The following GNL3L variants were observed in gnomAD, a reference collection of about 807,000 sequenced individuals.
GNL3L encodes guanine nucleotide-binding protein-like 3-like protein.
A neutral mutation model predicts 42.9 loss-of-function variants in GNL3L; 4 were observed. That is an observed-to-expected ratio of 0.09 (90% CI 0.05 to 0.21). GNL3L has a LOEUF of 0.21. Among genes scored for constraint, GNL3L ranks in the 10% least tolerant of loss-of-function variants. GNL3L has a pLI of 1.00. For synonymous variants in GNL3L, 159 were observed against 176.3 expected (o/e 0.90, Z 0.78); for missense variants, 412 against 481.7 (o/e 0.86, Z 1.36).
At chrX:54,549,793 G>A (rs5961087) in intron 9 of GNL3L, among the ~76,000 whole-genome samples, 14,524 of 111,672 alleles carry the variant, frequency 0.13, 1,412 homozygotes, top group African/African-American at 0.34. Flanking sequence ...GTTACAGAGG[G>A]ACACAAATAC....
chrX:54,633,750 C>T, the GNL3L span, among the ~76,000 whole-genome samples: 8 of 112,153 alleles, frequency 7.1e-5, no homozygotes, highest in East Asian at 1.4e-3. Context: ...GTCTCAGTCC[C>T]GCCATGCTCC....
At position 54,582,362 on chromosome X, in the gene GNL3L, A is replaced by G. The variant is rs189230816; in HGVS notation, c.*45+21715A>G. On this transcript the variant is annotated intron_variant, in intron 16 of 16. Transcript: ENST00000674498. ...TGCTTCTTGTACAGCCTGCAGAAGC[A>G]TGAACCAAATAAATCTCTTTTCTTT... 2.6e-3 allele frequency among the ~76,000 whole-genome samples: 286 copies of G among 111,958 alleles called. 2 individuals carry two copies. Among genetic ancestry groups the G allele is most frequent in the African/African-American group, 9.0e-3 (279 of 30,837 alleles).
At chrX:54,532,462 G>A (rs1267882299) in intron 1 of GNL3L, 58 bp from the exon 2 acceptor site, 15 of 644,964 alleles carry the variant, frequency 2.3e-5, no homozygotes, top group Non-Finnish European at 3.6e-5. Flanking sequence ...TTAGGAGGGG[G>A]CTTGTGGCAT....
chrX:54,562,243 A>G lies in GNL3L; in HGVS notation c.*1641A>G, dbSNP rs758663708. Among the ~76,000 whole-genome samples, 192 of 111,911 alleles carry G rather than the reference A, an allele frequency of 1.7e-3. No homozygotes were observed. The highest frequency in any genetic ancestry group is 5.9e-3 in the African/African-American group (181 of 30,814). Reference sequence around the variant, plus strand: ...GTATTTTTAGTAGAGACGATGTTTCACCATGTTGACCAGGCTGGTCTCGAA... The same window carrying G: ...GTATTTTTAGTAGAGACGATGTTTCGCCATGTTGACCAGGCTGGTCTCGAA... On this transcript the variant is annotated 3_prime_UTR_variant, in exon 16 of 16. Coordinates refer to ENST00000360845, the MANE Select transcript of GNL3L (RefSeq NM_001184819.2).
intron 2 of GNL3L, 47 bp from the exon 3 acceptor site, chrX:54,538,993 C>T (rs201392192): frequency 1.6e-4 from 122 of 771,994 alleles, no homozygotes; most frequent in Non-Finnish European, 1.9e-4. Flanking sequence ...CAACAAATAT[C>T]GTGTAGATGG....
chrX:54,568,230 A>G (rs7884031), downstream of GNL3L, among the ~76,000 whole-genome samples: 39,509 of 111,043 alleles, frequency 0.36, 8,476 homozygotes, highest in African/African-American at 0.8. Context: ...GGCTCCCAAA[A>G]TGCTGGGATT....
At chrX:54,636,063 C>T in the GNL3L span, among the ~76,000 whole-genome samples, 2 of 112,263 alleles carry the variant, frequency 1.8e-5, no homozygotes, top group South Asian at 7.4e-4. Context: ...CCCCTGAGAT[C>T]TGCATATTGC....
chrX:54,594,541 CTTTTTTT>C (rs766441455), intron 16 of GNL3L, among the ~76,000 whole-genome samples: 33 of 95,143 alleles, frequency 3.5e-4, no homozygotes, highest in African/African-American at 1.2e-3. Flanking sequence ...ATCATTGGGC[CTTTTTTT>C]TTTTTTAAAA....
chrX:54,623,366 A>G (rs5960322), downstream of GNL3L, among the ~76,000 whole-genome samples: 16,416 of 111,086 alleles, frequency 0.15, 1,967 homozygotes, highest in African/African-American at 0.41. Flanking sequence ...CCAGGTTTAA[A>G]TGATTCTCCT....
chrX:54,582,944 C>T (rs1450490396), intron 16 of GNL3L, among the ~76,000 whole-genome samples: 1 of 111,816 alleles, frequency 8.9e-6, no homozygotes, highest in African/African-American at 3.3e-5. Flanking sequence ...TTATCTGTCA[C>T]CTGTATTATC....
chrX:54,611,240 C>T (rs972638661), intron 16 of GNL3L, among the ~76,000 whole-genome samples: 1 of 111,681 alleles, frequency 9.0e-6, no homozygotes, highest in Non-Finnish European at 1.9e-5. Flanking sequence ...TTTCTCTCTT[C>T]TTTTCTTGGT....
downstream of GNL3L, among the ~76,000 whole-genome samples, chrX:54,622,395 C>T (rs1284422330): frequency 2.9e-5 from 3 of 103,422 alleles, no homozygotes; most frequent in Non-Finnish European, 3.9e-5. Flanking sequence ...AGCGATTCTC[C>T]TGCCTCAGCC....
chrX:54,630,750 C>CTTT, the GNL3L span, among the ~76,000 whole-genome samples: 2 of 65,052 alleles, frequency 3.1e-5, no homozygotes, highest in African/African-American at 1.6e-4. Flanking sequence ...CTCTTTCTTT[C>CTTT]CCTTTCTTTC....
intron 16 of GNL3L, among the ~76,000 whole-genome samples, chrX:54,572,557 G>T (rs1347284252): frequency 9.0e-6 from 1 of 111,639 alleles, no homozygotes; most frequent in African/African-American, 3.3e-5. Flanking sequence ...GGGCAGAGGG[G>T]CTCCTCACTT....
chrX:54,593,132 C>T (rs1925890096), intron 16 of GNL3L, among the ~76,000 whole-genome samples: 1 of 111,562 alleles, frequency 9.0e-6, no homozygotes, highest in African/African-American at 3.3e-5. Context: ...ATAATACTAG[C>T]TTAATAGAAT....
At chrX:54,530,761 G>T (rs1360416698) in intron 1 of GNL3L, among the ~76,000 whole-genome samples, 1 of 112,176 alleles carries the variant, frequency 8.9e-6, no homozygotes, top group African/African-American at 3.2e-5. Flanking sequence ...GACTTCTCCC[G>T]ACTTAAGGCA....
chrX:54,579,958 A>G (rs58636866), intron 16 of GNL3L, among the ~76,000 whole-genome samples: 12,654 of 99,418 alleles, frequency 0.13, 1,346 homozygotes, highest in African/African-American at 0.34. Context: ...GATTACAGGC[A>G]TGAGCCACTG....
intron 16 of GNL3L, among the ~76,000 whole-genome samples, chrX:54,616,301 T>A (rs1267816229): frequency 8.8e-6 from 1 of 113,114 alleles, no homozygotes; most frequent in Admixed American, 9.3e-5. Context: ...AAAACCAATT[T>A]TTTTTTAATA....
downstream of GNL3L, among the ~76,000 whole-genome samples, chrX:54,624,629 C>T (rs1248535216): frequency 9.3e-6 from 1 of 107,863 alleles, no homozygotes; most frequent in Non-Finnish European, 1.9e-5. Context: ...TTAGTAGAGA[C>T]GGGGTTTCAC....
Sources: allele counts gnomAD v4.1 joint callset (sites outside exome capture counted in the v4.1 genomes callset), GRCh38; gene constraint gnomAD v4.1.1; transcripts MANE v1.5; gene names NCBI Gene and HGNC (gene_info 2026-07-23, HGNC 2026-07-21).